CFTR: variants seen among roughly 807,000 people sequenced by gnomAD.
CFTR encodes CF transmembrane conductance regulator.
Under a neutral mutation model 171.6 loss-of-function variants are expected in CFTR, and 181 were observed. That is an observed-to-expected ratio of 1.05 (90% CI 0.93 to 1.19). The LOEUF is 1.19. Among genes scored for constraint, CFTR ranks in the 50% most tolerant of loss-of-function variants. The pLI is 0.00. For missense variants in CFTR, 1,968 were observed against 1,734.7 expected (o/e 1.13, Z -2.39); for synonymous variants, 583 against 608.0 (o/e 0.96, Z 0.60).
chr7:117,485,317 C>G (rs1798057166), intron 1 of CFTR, among the ~76,000 whole-genome samples: 1 of 152,120 alleles, frequency 6.6e-6, no homozygotes, highest in African/African-American at 2.4e-5. Context: ...CAATTTTGAT[C>G]CTGAGGCATC....
At position 117,480,160 on chromosome 7, in the gene CFTR, C is replaced by T; in HGVS notation, c.53+13C>T. On this transcript the variant is annotated intron_variant, in intron 1 of 26. Coordinates refer to ENST00000003084, the MANE Select transcript of CFTR (RefSeq NM_000492.4). ...AACTTTTTTTCAGGTGAGAAGGTGG[C>T]CAACCGAGCTTCGGAAAGACACGTG... 1 of 1,613,528 alleles carries T rather than the reference C, an allele frequency of 6.2e-7. No homozygotes were observed. Among genetic ancestry groups the T allele is most frequent in the Non-Finnish European group, 8.5e-7 (1 of 1,179,648 alleles).
At chr7:117,489,166 A>G (rs545268641) in intron 1 of CFTR, among the ~76,000 whole-genome samples, 16 of 152,216 alleles carry the variant, frequency 1.1e-4, no homozygotes, top group African/African-American at 3.6e-4. Flanking sequence ...CCTTGAAATT[A>G]TACTGCCTGT....
At chr7:117,551,525 A>G (rs550757620) in intron 10 of CFTR, among the ~76,000 whole-genome samples, 1 of 152,328 alleles carries the variant, frequency 6.6e-6, no homozygotes, top group African/African-American at 2.4e-5. Context: ...TCCCCTATTA[A>G]TAATCATCTA....
At chr7:117,647,838 A>G (rs1793017203) in intron 23 of CFTR, among the ~76,000 whole-genome samples, 1 of 151,846 alleles carries the variant, frequency 6.6e-6, no homozygotes, top group South Asian at 2.1e-4. Context: ...ATTTTTAAAC[A>G]TTCTCTACCA....
At chr7:117,641,901 C>T (rs570240676) in intron 22 of CFTR, among the ~76,000 whole-genome samples, 1 of 152,332 alleles carries the variant, frequency 6.6e-6, no homozygotes, top group East Asian at 1.9e-4. Flanking sequence ...AAGGCCTTCG[C>T]CCAACCTGCC....
At chr7:117,577,093 G>A (rs920021404) in intron 11 of CFTR, among the ~76,000 whole-genome samples, 2 of 152,100 alleles carry the variant, frequency 1.3e-5, no homozygotes, top group African/African-American at 4.8e-5. Flanking sequence ...AATTTTTATT[G>A]ATCTTGAAAG....
chr7:117,634,473 C>G (rs1324698307), intron 22 of CFTR, among the ~76,000 whole-genome samples: 1 of 151,928 alleles, frequency 6.6e-6, no homozygotes, highest in Non-Finnish European at 1.5e-5. Context: ...TTCGTGATTT[C>G]AATTTCATGA....
Position 117,566,000 on chromosome 7 carries a change from A to G in CFTR, c.1584+6345A>G, listed in dbSNP as rs376690169. On this transcript the variant is annotated intron_variant, in intron 11 of 26. Coordinates refer to ENST00000003084, the MANE Select transcript of CFTR (RefSeq NM_000492.4). ...GGTCTGGTAAAAACTAACCTGTAAGAACTTGAAACTTAGCCTTTGAATGGT... is the reference window on the plus strand; with the variant it reads ...GGTCTGGTAAAAACTAACCTGTAAGGACTTGAAACTTAGCCTTTGAATGGT... 2.0e-5 allele frequency among the ~76,000 whole-genome samples: 3 copies of G among 152,282 alleles called. No individual in the cohort carries two copies. The South Asian group carries it at 6.2e-4, about 32-fold the overall frequency.
intron 22 of CFTR, among the ~76,000 whole-genome samples, chr7:117,636,073 T>C (rs1291705743): frequency 6.6e-6 from 1 of 152,142 alleles, no homozygotes; most frequent in Non-Finnish European, 1.5e-5. Flanking sequence ...TTTTCCCCAA[T>C]TTTTGTTTGT....
chr7:117,642,795 GT>G (rs1562923393), intron 23 of CFTR, among the ~76,000 whole-genome samples: 1 of 152,144 alleles, frequency 6.6e-6, no homozygotes, highest in African/African-American at 2.4e-5. Flanking sequence ...TTATTGAAAT[GT>G]TCATAGCTTT....
intron 11 of CFTR, among the ~76,000 whole-genome samples, chr7:117,572,792 T>C (rs540034840): frequency 1.3e-5 from 2 of 152,308 alleles, no homozygotes; most frequent in Middle Eastern, 3.4e-3. Context: ...TGATTTAGTG[T>C]TAATGACATG....
At chr7:117,583,416 A>G (rs1791881357) in intron 11 of CFTR, among the ~76,000 whole-genome samples, 1 of 152,094 alleles carries the variant, frequency 6.6e-6, no homozygotes, top group African/African-American at 2.4e-5. Context: ...AAGTGAGAAC[A>G]TGCGATATTT....
chr7:117,491,346 G>T (rs538722387), intron 1 of CFTR, among the ~76,000 whole-genome samples: 1 of 152,124 alleles, frequency 6.6e-6, no homozygotes, highest in East Asian at 1.9e-4. Context: ...TTGTCCCCTT[G>T]TGTGCATCAT....
intron 25 of CFTR, among the ~76,000 whole-genome samples, chr7:117,665,228 C>T (rs534605135): frequency 6.6e-6 from 1 of 152,270 alleles, no homozygotes; most frequent in South Asian, 2.1e-4. Flanking sequence ...GAAAAATGTA[C>T]TCATTTATTA....
chr7:117,666,117 G>T (rs1327097667), intron 26 of CFTR, among the ~76,000 whole-genome samples: 1 of 152,148 alleles, frequency 6.6e-6, no homozygotes, highest in African/African-American at 2.4e-5. Flanking sequence ...CCAATACTTT[G>T]GGAGGCTGAG....
At chr7:117,661,224 A>T (rs1793276054) in intron 24 of CFTR, among the ~76,000 whole-genome samples, 1 of 152,172 alleles carries the variant, frequency 6.6e-6, no homozygotes, top group Non-Finnish European at 1.5e-5. Flanking sequence ...AATGAAGATG[A>T]TTCTAAAAAG....
At chr7:117,629,561 G>T (rs934352564) in intron 22 of CFTR, among the ~76,000 whole-genome samples, 2 of 152,172 alleles carry the variant, frequency 1.3e-5, no homozygotes, top group African/African-American at 4.8e-5. Context: ...ATTGGATTAA[G>T]AATTAAAACA....
At chr7:117,499,601 C>A (rs1391644766) in intron 1 of CFTR, among the ~76,000 whole-genome samples, 1 of 149,436 alleles carries the variant, frequency 6.7e-6, no homozygotes, top group Non-Finnish European at 1.5e-5. Context: ...AATCTGTATG[C>A]CTTAGGGATC....
At chr7:117,509,844 A>C (rs1454100959) in intron 3 of CFTR, among the ~76,000 whole-genome samples, 2 of 152,162 alleles carry the variant, frequency 1.3e-5, no homozygotes, top group African/African-American at 2.4e-5. Flanking sequence ...AAGGAGACAG[A>C]TTCAAGACTT....
Sources: gnomAD v4.1 joint callset for allele counts (sites outside exome capture counted in the v4.1 genomes callset) on GRCh38, gnomAD v4.1.1 for gene constraint, MANE v1.5 for transcripts, NCBI Gene and HGNC (gene_info 2026-07-23, HGNC 2026-07-21) for gene names.